Variants in EEA1 observed in about 807,000 individuals in gnomAD.
EEA1 encodes the protein early endosome antigen 1, 162kD.
In EEA1, 111 loss-of-function variants were observed where a neutral mutation model predicts 209.2. The ratio of observed to expected loss-of-function variants is 0.53; its 90% CI spans 0.45 to 0.62. The LOEUF is 0.62. EEA1 is among the 20% of genes least tolerant of loss of function. The pLI is 0.00. For synonymous variants in EEA1, 536 were observed against 540.6 expected (o/e 0.99, Z 0.12); for missense variants, 1,343 against 1,530.8 (o/e 0.88, Z 2.05).
intron 1 of EEA1, among the ~76,000 whole-genome samples, chr12:92,912,741 T>C (rs1880623297): frequency 6.6e-6 from 1 of 152,182 alleles, no homozygotes; most frequent in Non-Finnish European, 1.5e-5. Context: ...TTTCCATCTT[T>C]ACGTCTATCT....
At chr12:92,871,155 T>C (rs1006449577) in intron 2 of EEA1, among the ~76,000 whole-genome samples, 1 of 152,168 alleles carries the variant, frequency 6.6e-6, no homozygotes, top group Non-Finnish European at 1.5e-5. Context: ...CATGGCAAAA[T>C]TGATACAAAA....
intron 13 of EEA1, among the ~76,000 whole-genome samples, chr12:92,821,837 A>G (rs1876065343): frequency 1.3e-5 from 2 of 149,900 alleles, no homozygotes; most frequent in Admixed American, 6.7e-5. Flanking sequence ...ATATAATTAC[A>G]TACACATATA....
intron 2 of EEA1, among the ~76,000 whole-genome samples, chr12:92,888,693 A>T (rs1336338444): frequency 6.6e-6 from 1 of 152,210 alleles, no homozygotes; most frequent in Non-Finnish European, 1.5e-5. Flanking sequence ...ATAAATCTAA[A>T]AATAATAATA....
chr12:92,888,991 A>T (rs776163469), intron 2 of EEA1, among the ~76,000 whole-genome samples: 35 of 151,974 alleles, frequency 2.3e-4, no homozygotes, highest in Non-Finnish European at 8.8e-5. Flanking sequence ...CTCTACTAAA[A>T]ATACAAAAAA....
chr12:92,907,321 G>A (rs1880420894), intron 1 of EEA1, among the ~76,000 whole-genome samples: 1 of 152,108 alleles, frequency 6.6e-6, no homozygotes, highest in African/African-American at 2.4e-5. Context: ...AATGCCTTGA[G>A]AGCACCACAA....
At chr12:92,792,377 C>T (rs1874445065) in intron 21 of EEA1, among the ~76,000 whole-genome samples, 1 of 151,806 alleles carries the variant, frequency 6.6e-6, no homozygotes, top group Non-Finnish European at 1.5e-5. Context: ...TGATAGACTG[C>T]TAGCAAGATT....
intron 2 of EEA1, among the ~76,000 whole-genome samples, chr12:92,887,830 T>C (rs1235144065): frequency 1.3e-5 from 2 of 151,974 alleles, no homozygotes; most frequent in African/African-American, 2.4e-5. Context: ...AGGTTTCAGA[T>C]GGCAATATCA....
chr12:92,808,790 A>G (rs1444148114), intron 18 of EEA1, among the ~76,000 whole-genome samples: 5 of 152,188 alleles, frequency 3.3e-5, no homozygotes, highest in African/African-American at 4.8e-5. Flanking sequence ...AAACTGGATG[A>G]CCCAAATTTT....
At chr12:92,878,902 A>C (rs1275699538) in intron 2 of EEA1, among the ~76,000 whole-genome samples, 6 of 152,204 alleles carry the variant, frequency 3.9e-5, no homozygotes, top group Non-Finnish European at 5.9e-5. Context: ...AAACTGACTC[A>C]AAAAGAAACA....
At chr12:92,861,222 G>A (rs947541860) in intron 3 of EEA1, among the ~76,000 whole-genome samples, 43 of 152,306 alleles carry the variant, frequency 2.8e-4, no homozygotes, top group African/African-American at 8.2e-4. Flanking sequence ...TTGGAAGGCC[G>A]AGGCGGGCAG....
At chr12:92,893,190 AATCT>A (rs1268499557) in intron 1 of EEA1, among the ~76,000 whole-genome samples, 1 of 152,238 alleles carries the variant, frequency 6.6e-6, no homozygotes, top group Non-Finnish European at 1.5e-5. Context: ...TTTTTGGATG[AATCT>A]GAAACCTAGT....
Position 92,780,277 on chromosome 12 carries a change from T to A in EEA1, c.3468+3A>T. On this transcript the variant is annotated splice_donor_region_variant and intron_variant, in intron 24 of 28. Coordinates refer to ENST00000322349, the MANE Select transcript of EEA1 (RefSeq NM_003566.4). ...GGCAGGAGAAATGATTATCTTAACA[T>A]ACCTTTATGCTTTCTAGTTTGTGGG... The A allele has an allele frequency of 6.3e-7, 1 of 1,591,882 alleles. No individual in the cohort carries two copies. The highest frequency in any genetic ancestry group is 8.5e-7 in the Non-Finnish European group (1 of 1,173,796).
At chr12:92,912,198 T>G (rs1880605692) in intron 1 of EEA1, among the ~76,000 whole-genome samples, 1 of 152,220 alleles carries the variant, frequency 6.6e-6, no homozygotes, top group African/African-American at 2.4e-5. Flanking sequence ...TTATTTATAT[T>G]TCCTCTTGCA....
At chr12:92,924,076 T>TCA (rs1327210281) in intron 1 of EEA1, among the ~76,000 whole-genome samples, 1 of 151,974 alleles carries the variant, frequency 6.6e-6, no homozygotes, top group Non-Finnish European at 1.5e-5. Flanking sequence ...TGTCACTGTG[T>TCA]CACTGCACTC....
intron 10 of EEA1, among the ~76,000 whole-genome samples, chr12:92,841,079 C>T (rs1877144727): frequency 1.3e-5 from 2 of 152,222 alleles, no homozygotes; most frequent in South Asian, 4.1e-4. Flanking sequence ...AACTTCTCAG[C>T]CTCCAAAATA....
At chr12:92,865,799 G>C (rs910635476) in intron 2 of EEA1, among the ~76,000 whole-genome samples, 6 of 151,272 alleles carry the variant, frequency 4.0e-5, no homozygotes, top group Non-Finnish European at 8.8e-5. Flanking sequence ...AGGCTGAAGT[G>C]CAATGGTGCA....
At chr12:92,895,525 C>A (rs2136758853) in intron 1 of EEA1, 1 of 153,200 alleles carries the variant, frequency 6.5e-6, no homozygotes, top group Non-Finnish European at 1.5e-5. Flanking sequence ...AAAAAAAAAT[C>A]CTTTCAAAAA....
chr12:92,858,726 T>A (rs1188812821), intron 3 of EEA1: 2 of 742,466 alleles, frequency 2.7e-6, no homozygotes. Flanking sequence ...AAGAGGTTCG[T>A]CTTGGTGAGA....
chr12:92,924,840 T>TAAAAAAAAA (rs58741191), intron 1 of EEA1, among the ~76,000 whole-genome samples: 1 of 74,500 alleles, frequency 1.3e-5, no homozygotes, highest in Non-Finnish European at 2.4e-5. Flanking sequence ...CCTAACATGC[T>TAAAAAAAAA]AAAAAAAAAA....
Sources: gnomAD v4.1 joint callset for allele counts (sites outside exome capture counted in the v4.1 genomes callset) on GRCh38, gnomAD v4.1.1 for gene constraint, MANE v1.5 for transcripts, NCBI Gene and HGNC (gene_info 2026-07-23, HGNC 2026-07-21) for gene names.